Variants in TPP2 observed in about 807,000 individuals in gnomAD.
TPP2 encodes the protein tripeptidyl-peptidase 2.
Under a neutral mutation model 155.9 loss-of-function variants are expected in TPP2, and 34 were observed. That is an observed-to-expected ratio of 0.22 (90% CI 0.17 to 0.29). The LOEUF (loss-of-function observed/expected upper bound fraction) is 0.29, where lower values mean the gene tolerates loss of function less well. Ranked by LOEUF, TPP2 falls within the 10% of genes least tolerant of loss-of-function variation. The pLI is 1.00. For missense variants in TPP2, 1,028 were observed against 1,522.3 expected, an observed-to-expected ratio of 0.68 and a Z score of 5.40; for synonymous variants, 510 against 529.4, an observed-to-expected ratio of 0.96 and a Z score of 0.50.
At chr13:102,615,278 T>C (rs1163108053) in intron 3 of TPP2, among the ~76,000 whole-genome samples, 1 of 152,182 alleles carries the variant, frequency 6.6e-6, no homozygotes, top group Non-Finnish European at 1.5e-5. Flanking sequence ...TCCTCCCATG[T>C]AGTTGGGACT....
At chr13:102,624,652 T>C (rs746437799) in intron 6 of TPP2, among the ~76,000 whole-genome samples, 1 of 152,178 alleles carries the variant, frequency 6.6e-6, no homozygotes, top group Non-Finnish European at 1.5e-5. Context: ...GATTCATTAA[T>C]GTTATGATTA....
intron 12 of TPP2, among the ~76,000 whole-genome samples, 194 bp from the exon 13 acceptor site, chr13:102,636,030 A>G (rs951804331): frequency 1.3e-5 from 2 of 152,168 alleles, no homozygotes; most frequent in Admixed American, 1.3e-4. Context: ...AATAGAGTGG[A>G]GTGGAAGATG....
chr13:102,613,670 A>G (rs1307931467), intron 2 of TPP2, among the ~76,000 whole-genome samples: 2 of 152,152 alleles, frequency 1.3e-5, no homozygotes, highest in Non-Finnish European at 2.9e-5. Flanking sequence ...CCAGTTTTCA[A>G]CTTTCCTCTT....
At chr13:102,653,361 T>C (rs1883640747) in intron 24 of TPP2, among the ~76,000 whole-genome samples, 4 of 152,132 alleles carry the variant, frequency 2.6e-5, no homozygotes, top group Admixed American at 2.6e-4. Context: ...CTTTTTAAAA[T>C]TCCTTGTAAA....
At chr13:102,664,044 C>T (rs143756962) in intron 26 of TPP2, among the ~76,000 whole-genome samples, 37 of 152,302 alleles carry the variant, frequency 2.4e-4, no homozygotes, top group African/African-American at 8.9e-4. Flanking sequence ...TAATCCTGGC[C>T]AGATGGAAAT....
At chr13:102,659,172 A>G (rs1471300296) in intron 25 of TPP2, among the ~76,000 whole-genome samples, 2 of 152,202 alleles carry the variant, frequency 1.3e-5, no homozygotes. Flanking sequence ...GCTCTCTCAA[A>G]AACAGTGGAG....
At chr13:102,645,469 T>A (rs1203051855) in intron 19 of TPP2, among the ~76,000 whole-genome samples, 2 of 152,266 alleles carry the variant, frequency 1.3e-5, no homozygotes, top group Non-Finnish European at 2.9e-5. Flanking sequence ...ATACTCACTG[T>A]GTTATAAAGA....
intron 27 of TPP2, among the ~76,000 whole-genome samples, chr13:102,668,726 A>G (rs1293245558): frequency 6.6e-6 from 1 of 152,224 alleles, no homozygotes; most frequent in Middle Eastern, 3.2e-3. Context: ...TTGCAGGCAG[A>G]GTGAGAGAAT....
intron 26 of TPP2, 44 bp downstream of exon 26, chr13:102,663,788 A>ATAT: frequency 6.9e-7 from 1 of 1,444,854 alleles, no homozygotes; most frequent in East Asian, 2.5e-5. Flanking sequence ...GTTTGTAATT[A>ATAT]TATAAGTTTG....
At chr13:102,626,938 A>T in intron 6 of TPP2, 74 bp from the exon 7 acceptor site, 1 of 1,373,784 alleles carries the variant, frequency 7.3e-7, no homozygotes, top group Non-Finnish European at 9.7e-7. Flanking sequence ...CATGATTAAT[A>T]ATATGCAAAT....
rs562314931 is a variant in TPP2 at position 102,668,593 on chromosome 13, G to A, written c.3371+3668G>A. Reference sequence around the variant, plus strand: ...TACTAAGGAACCCCACTGAGGGTATGTTACCCCCTTCCAGCCAAGCAGTTA... The same window carrying A: ...TACTAAGGAACCCCACTGAGGGTATATTACCCCCTTCCAGCCAAGCAGTTA... On this transcript the variant is annotated intron_variant, in intron 27 of 29. Coordinates refer to ENST00000376052, the MANE Select transcript of TPP2 (RefSeq NM_001330588.2). Among the ~76,000 whole-genome samples, 6 of 152,326 alleles carry A rather than the reference G, an allele frequency of 3.9e-5. No homozygotes were observed. The East Asian group carries it at 9.6e-4, about 24-fold the overall frequency.
chr13:102,616,584 C>A, intron 4 of TPP2, 84 bp downstream of exon 4: 1 of 1,133,126 alleles, frequency 8.8e-7, no homozygotes, highest in Non-Finnish European at 1.2e-6. Flanking sequence ...ACTGTTTTTC[C>A]ACAAGTTTTC....
chr13:102,667,242 T>G (rs1438112603), intron 27 of TPP2, among the ~76,000 whole-genome samples: 1 of 152,158 alleles, frequency 6.6e-6, no homozygotes, highest in Non-Finnish European at 1.5e-5. Context: ...AATATCATGT[T>G]TTAGTTAAAT....
chr13:102,637,998 A>G (rs1419331836), intron 14 of TPP2, among the ~76,000 whole-genome samples: 2 of 152,222 alleles, frequency 1.3e-5, no homozygotes, highest in East Asian at 3.8e-4. Flanking sequence ...GGAGTAATTA[A>G]AATGCACTTA....
At chr13:102,652,260 C>T (rs1485515711) in intron 24 of TPP2, among the ~76,000 whole-genome samples, 1 of 151,622 alleles carries the variant, frequency 6.6e-6, no homozygotes, top group Non-Finnish European at 1.5e-5. Context: ...ACTTATAGTC[C>T]CAGCTACTCT....
intron 2 of TPP2, among the ~76,000 whole-genome samples, chr13:102,605,828 A>C (rs966361931): frequency 6.6e-6 from 1 of 151,794 alleles, no homozygotes; most frequent in South Asian, 2.1e-4. Flanking sequence ...GGTTCTAGCA[A>C]TTCTCCTGCC....
intron 17 of TPP2, 126 bp downstream of exon 17, chr13:102,643,502 A>T (rs1164582466): frequency 1.0e-6 from 1 of 993,254 alleles, no homozygotes; most frequent in South Asian, 3.3e-5. Flanking sequence ...TATTTTTTTA[A>T]TGCCAAAAAA....
In TPP2 at chr13:102,651,285, A is replaced by G. The variant is rs1015970886; in HGVS notation, c.2953-74A>G. The G allele has an allele frequency of 1.0e-5, 15 of 1,499,110 alleles. No individual in the cohort carries two copies. In the Admixed American group the frequency reaches 1.0e-4, roughly 10 times the overall value. 92.9% of individuals were successfully genotyped at this position (1,499,110 alleles called of 1,614,324 possible). A position where few individuals can be genotyped will look rare whatever the true frequency, so the allele number is the denominator to read the frequency against. On this transcript the variant is annotated intron_variant, in intron 23 of 29. Transcript: ENST00000376052. ...CAGGTGGAACATAAACTGAAAGACA[A>G]TTAGACAGAGGTTCTGTCTCCATCC...
intron 27 of TPP2, 28 bp downstream of exon 27, chr13:102,664,953 G>A (rs757261759): frequency 1.6e-5 from 26 of 1,606,214 alleles, no homozygotes; most frequent in Non-Finnish European, 2.2e-5. Flanking sequence ...AATCTTTCTT[G>A]CATCTCATTT....
Sources: allele counts gnomAD v4.1 joint callset (sites outside exome capture counted in the v4.1 genomes callset), GRCh38; gene constraint gnomAD v4.1.1; transcripts MANE v1.5; gene names NCBI Gene and HGNC (gene_info 2026-07-23, HGNC 2026-07-21).